The following PSMD1 variants were observed in gnomAD, a reference collection of about 807,000 sequenced individuals.
PSMD1 encodes the protein proteasome 26S subunit, non-ATPase 1, also known as 26S proteasome non-ATPase regulatory subunit 1.
PSMD1 carries 18 observed loss-of-function variants against 119.0 expected under a neutral mutation model. That is an observed-to-expected ratio of 0.15 (90% CI 0.10 to 0.22). PSMD1 has a LOEUF of 0.22. Ranked by LOEUF, PSMD1 falls within the 10% of genes least tolerant of loss-of-function variation. PSMD1 has a pLI of 1.00. For synonymous variants in PSMD1, 374 were observed against 396.6 expected (o/e 0.94, Z 0.68); for missense variants, 702 against 1,158.5 (o/e 0.61, Z 5.72).
At chr2:231,058,901 C>T (rs1273895661) in intron 1 of PSMD1, among the ~76,000 whole-genome samples, 1 of 152,178 alleles carries the variant, frequency 6.6e-6, no homozygotes, top group Non-Finnish European at 1.5e-5. Context: ...CGCTTACTCT[C>T]CCTCCACCAC....
intron 15 of PSMD1, among the ~76,000 whole-genome samples, chr2:231,086,616 C>T (rs1694448836): frequency 6.6e-6 from 1 of 152,176 alleles, no homozygotes; most frequent in Admixed American, 6.5e-5. Flanking sequence ...AAGATTGTGC[C>T]ACTGCACTCC....
chr2:231,123,686 T>G (rs1261970494), intron 16 of PSMD1: 7 of 1,614,104 alleles, frequency 4.3e-6, no homozygotes, highest in Admixed American at 3.3e-5. Flanking sequence ...TTAGAAGAGA[T>G]AACGTGAACA....
At chr2:231,143,489 A>C (rs1354346042) in intron 17 of PSMD1, among the ~76,000 whole-genome samples, 1 of 152,154 alleles carries the variant, frequency 6.6e-6, no homozygotes, top group Non-Finnish European at 1.5e-5. Context: ...CGGCCTCCCA[A>C]AGTGCTGGGA....
At chr2:231,069,168 TA>T (rs1278668614) in intron 5 of PSMD1, among the ~76,000 whole-genome samples, 1 of 150,716 alleles carries the variant, frequency 6.6e-6, no homozygotes, top group Non-Finnish European at 1.5e-5. Flanking sequence ...ATATATAAAG[TA>T]AAAGAATGAA....
chr2:231,094,912 CT>C (rs1487591389), intron 16 of PSMD1, among the ~76,000 whole-genome samples: 1 of 152,178 alleles, frequency 6.6e-6, no homozygotes, highest in Non-Finnish European at 1.5e-5. Context: ...AACCTAGTGA[CT>C]GATTGCATTG....
At position 231,124,054 on chromosome 2, in the gene PSMD1, A is replaced by T. The variant is rs901455519; in HGVS notation, c.1884-14682A>T. 4.3e-5 allele frequency: 14 copies of T among 326,152 alleles called. 1 individual carries two copies. Among genetic ancestry groups the T allele is most frequent in the South Asian group, 1.5e-4 (4 of 27,518 alleles). The allele number at this position is 326,152 out of a possible 1,614,324, so 20.2% of individuals were successfully genotyped here. On this transcript the variant is annotated intron_variant, in intron 16 of 24. Coordinates refer to ENST00000308696, the MANE Select transcript of PSMD1 (RefSeq NM_002807.4). ...TGTGAAAAAAATAGGATATATATAT[A>T]TTTTTAGTTTCTCTCTCTCTCTTTT...
chr2:231,136,961 A>ATATATATAT (rs1015135904), intron 16 of PSMD1, among the ~76,000 whole-genome samples: 1 of 142,206 alleles, frequency 7.0e-6, no homozygotes, highest in Non-Finnish European at 1.5e-5. Flanking sequence ...TACATATAGT[A>ATATATATAT]TATATATATT....
At chr2:231,109,326 G>T (rs759758712) in intron 16 of PSMD1, 1 of 1,613,998 alleles carries the variant, frequency 6.2e-7, no homozygotes, top group Non-Finnish European at 8.5e-7. Flanking sequence ...TCGCCAAAAC[G>T]TTCCTTTGTC....
At chr2:231,097,923 G>T (rs1488037560) in intron 16 of PSMD1, among the ~76,000 whole-genome samples, 1 of 152,124 alleles carries the variant, frequency 6.6e-6, no homozygotes, top group Non-Finnish European at 1.5e-5. Context: ...CCACACATCT[G>T]CTTGGGGATG....
At chr2:231,087,094 T>C in intron 15 of PSMD1, 23 bp from the exon 16 acceptor site, 1 of 1,607,916 alleles carries the variant, frequency 6.2e-7, no homozygotes, top group Non-Finnish European at 8.5e-7. Flanking sequence ...TAGTATAATA[T>C]AATCTTAAAC....
intron 16 of PSMD1, among the ~76,000 whole-genome samples, chr2:231,132,415 G>A (rs954332095): frequency 6.6e-6 from 1 of 152,136 alleles, no homozygotes; most frequent in Non-Finnish European, 1.5e-5. Flanking sequence ...AGTTGATGAC[G>A]AAATTCTGGA....
At chr2:231,123,667 C>G in intron 16 of PSMD1, 1 of 1,613,884 alleles carries the variant, frequency 6.2e-7, no homozygotes, top group Non-Finnish European at 8.5e-7. Context: ...TGTCTGTAAT[C>G]CAGACCAGTT....
chr2:231,146,228 A>C lies in PSMD1; in HGVS notation c.1999-12A>C, dbSNP rs779472161. On this transcript the variant is annotated splice_polypyrimidine_tract_variant and intron_variant, in intron 17 of 24. Coordinates refer to ENST00000308696, the MANE Select transcript of PSMD1 (RefSeq NM_002807.4). ...TTATTTAAAAGTTGTGTGTTTTTTTAAATTCTTTCAGGAAGCCATTAATTT... is the reference window on the plus strand; with the variant it reads ...TTATTTAAAAGTTGTGTGTTTTTTTCAATTCTTTCAGGAAGCCATTAATTT... 5.7e-6 allele frequency: 9 copies of C among 1,582,172 alleles called. No individual in the cohort carries two copies. In the South Asian group the frequency reaches 6.7e-5, roughly 12 times the overall value.
chr2:231,102,509 T>C (rs1480683302), intron 16 of PSMD1, among the ~76,000 whole-genome samples: 9 of 152,314 alleles, frequency 5.9e-5, no homozygotes, highest in South Asian at 2.1e-4. Context: ...TTTTATGTTA[T>C]ATGTATTATA....
chr2:231,080,430 T>G, intron 12 of PSMD1, 116 bp downstream of exon 12: 3 of 856,404 alleles, frequency 3.5e-6, no homozygotes, highest in Non-Finnish European at 5.0e-6. Context: ...CCAAAACAAC[T>G]GTCATCTTGG....
intron 15 of PSMD1, among the ~76,000 whole-genome samples, chr2:231,085,922 A>G (rs1370173930): frequency 1.3e-5 from 2 of 152,122 alleles, no homozygotes; most frequent in East Asian, 1.9e-4. Context: ...TTTCCCAGAG[A>G]TAATATTTTC....
chr2:231,114,716 T>C (rs898837462), intron 16 of PSMD1, among the ~76,000 whole-genome samples: 1 of 152,186 alleles, frequency 6.6e-6, no homozygotes, highest in East Asian at 1.9e-4. Context: ...TTTAGAAATA[T>C]TAACCTTAAA....
intron 16 of PSMD1, among the ~76,000 whole-genome samples, chr2:231,094,272 A>G (rs1442116264): frequency 6.6e-6 from 1 of 152,098 alleles, no homozygotes; most frequent in Non-Finnish European, 1.5e-5. Flanking sequence ...AATTACTCCA[A>G]TTTTGGTGGA....
intron 4 of PSMD1, among the ~76,000 whole-genome samples, chr2:231,065,805 A>C (rs1407066516): frequency 6.6e-6 from 1 of 152,204 alleles, no homozygotes; most frequent in African/African-American, 2.4e-5. Context: ...TGGAAGCTAA[A>C]TTGGGCACAA....
Sources: gnomAD v4.1 joint callset for allele counts (sites outside exome capture counted in the v4.1 genomes callset) on GRCh38, gnomAD v4.1.1 for gene constraint, MANE v1.5 for transcripts, NCBI Gene and HGNC (gene_info 2026-07-23, HGNC 2026-07-21) for gene names.